Variants in ANXA13 observed in about 807,000 individuals in gnomAD.
ANXA13 encodes the protein annexin XIII.
A neutral mutation model predicts 46.6 loss-of-function variants in ANXA13; 36 were observed. The ratio of observed to expected loss-of-function variants is 0.77; its 90% confidence interval spans 0.59 to 1.02. The LOEUF is 1.02. Ranked by LOEUF, ANXA13 falls within the 50% of genes least tolerant of loss-of-function variation. The pLI, the probability that ANXA13 is intolerant of heterozygous loss-of-function variation, is 0.00. For missense variants in ANXA13, 417 were observed against 396.5 expected (o/e 1.05, Z -0.44); for synonymous variants, 163 against 152.9 (o/e 1.07, Z -0.49).
At chr8:123,686,010 G>A (rs1813134797) in intron 9 of ANXA13, among the ~76,000 whole-genome samples, 1 of 152,156 alleles carries the variant, frequency 6.6e-6, no homozygotes, top group Non-Finnish European at 1.5e-5. Context: ...TTCCGCTCCT[G>A]CACAGGGATC....
intron 1 of ANXA13, chr8:123,735,828 T>G (rs1814252944): frequency 6.2e-7 from 1 of 1,611,474 alleles, no homozygotes; most frequent in Admixed American, 1.7e-5. Context: ...GGGTTGGGAG[T>G]CCCCTTTAGG....
chr8:123,696,392 T>C (rs1330855207), intron 4 of ANXA13, among the ~76,000 whole-genome samples: 2 of 152,218 alleles, frequency 1.3e-5, no homozygotes, highest in Non-Finnish European at 2.9e-5. Context: ...CAAGGCTTCG[T>C]TCAGTAACAG....
chr8:123,692,979 C>CCT (rs1813267618), intron 8 of ANXA13, among the ~76,000 whole-genome samples: 2 of 152,056 alleles, frequency 1.3e-5, no homozygotes, highest in Admixed American at 1.3e-4. Context: ...GCATCCCGGG[C>CCT]CTCTGTTCAC....
chr8:123,681,385 G>A (rs1234009106), intron 10 of ANXA13, 26 bp from the exon 11 acceptor site: 2 of 1,608,230 alleles, frequency 1.2e-6, no homozygotes, highest in East Asian at 2.2e-5. Context: ...CAGCAATGGA[G>A]ATAAGAACGT....
chr8:123,731,509 A>G (rs6982704), intron 1 of ANXA13, among the ~76,000 whole-genome samples: 129 of 152,350 alleles, frequency 8.5e-4, no homozygotes, highest in African/African-American at 3.0e-3. Flanking sequence ...TGATGGGGAT[A>G]TATAGGTGAA....
intron 3 of ANXA13, among the ~76,000 whole-genome samples, chr8:123,700,905 C>T (rs551658573): frequency 1.3e-5 from 2 of 152,160 alleles, no homozygotes; most frequent in African/African-American, 2.4e-5. Context: ...TCACTGAGGC[C>T]TCAACTTCTT....
At chr8:123,710,830 A>G (rs971819841) in intron 2 of ANXA13, among the ~76,000 whole-genome samples, 1 of 152,266 alleles carries the variant, frequency 6.6e-6, no homozygotes, top group Non-Finnish European at 1.5e-5. Context: ...TAAAGTGCTT[A>G]GTCCAATGCC....
At chr8:123,725,747 T>G (rs1383038079) in intron 1 of ANXA13, among the ~76,000 whole-genome samples, 1 of 152,232 alleles carries the variant, frequency 6.6e-6, no homozygotes, top group Non-Finnish European at 1.5e-5. Flanking sequence ...TATTTCATCA[T>G]GTAGTTATTG....
chr8:123,735,790 G>T, intron 1 of ANXA13: 4 of 1,612,508 alleles, frequency 2.5e-6, no homozygotes, highest in Non-Finnish European at 3.4e-6. Context: ...TTCCGTGATG[G>T]GTGGCTGAGA....
chr8:123,706,537 T>C (rs1265719864), intron 2 of ANXA13, among the ~76,000 whole-genome samples: 1 of 152,200 alleles, frequency 6.6e-6, no homozygotes, highest in East Asian at 1.9e-4. Flanking sequence ...TCCACCTCCT[T>C]AGTGCCTCTC....
At chr8:123,735,932 G>A (rs1814257201) in intron 1 of ANXA13, 1 of 1,532,240 alleles carries the variant, frequency 6.5e-7, no homozygotes, top group Non-Finnish European at 8.8e-7. Context: ...AAGGCCAGCT[G>A]CTCCCTAGGT....
intron 3 of ANXA13, among the ~76,000 whole-genome samples, chr8:123,699,570 C>G (rs1207813572): frequency 6.6e-6 from 1 of 152,212 alleles, no homozygotes; most frequent in African/African-American, 2.4e-5. Context: ...CTCCCTGTCT[C>G]CCTCTGACAA....
intron 3 of ANXA13, among the ~76,000 whole-genome samples, chr8:123,699,184 G>A (rs1302099264): frequency 2.0e-5 from 3 of 152,090 alleles, no homozygotes; most frequent in East Asian, 1.9e-4. Flanking sequence ...ACTGGCATCT[G>A]TTTTTTTCTT....
At chr8:123,716,086 T>C (rs1302356319) in intron 1 of ANXA13, among the ~76,000 whole-genome samples, 1 of 152,126 alleles carries the variant, frequency 6.6e-6, no homozygotes, top group Non-Finnish European at 1.5e-5. Context: ...CTTTTTTCCT[T>C]TTTCAAAAAA....
chr8:123,702,612 TGCAA>T (rs749575717), intron 3 of ANXA13, 26 bp downstream of exon 3: 1 of 1,587,762 alleles, frequency 6.3e-7, no homozygotes, highest in South Asian at 1.1e-5. Flanking sequence ...CATGGCTGGG[TGCAA>T]GCTTGCTGAC....
At position 123,684,754 on chromosome 8, in the gene ANXA13, G is replaced by T. The variant is rs371076773; in HGVS notation, c.719-32C>A. Reference sequence around the variant, plus strand: ...AGGACAAAGGAAAAGAGAATGTGAGGCTTTCACGTTTTGTGGAATGACCTT... The same window carrying T: ...AGGACAAAGGAAAAGAGAATGTGAGTCTTTCACGTTTTGTGGAATGACCTT... On this transcript the variant is annotated intron_variant, in intron 9 of 10. Coordinates refer to ENST00000419625, the MANE Select transcript of ANXA13 (RefSeq NM_004306.4). 196 of 1,525,836 alleles carry T rather than the reference G, an allele frequency of 1.3e-4. No individual in the cohort carries two copies. In the African/African-American group the frequency reaches 2.2e-3, roughly 17 times the overall value. The allele number at this position is 1,525,836 out of a possible 1,614,324, so 94.5% of individuals were successfully genotyped here.
intron 1 of ANXA13, among the ~76,000 whole-genome samples, chr8:123,734,805 G>A (rs1814219753): frequency 1.4e-5 from 2 of 148,010 alleles, no homozygotes; most frequent in Non-Finnish European, 1.5e-5. Context: ...ACCAAGTCCT[G>A]GCTCATGATT....
chr8:123,723,444 G>A (rs1813924311), intron 1 of ANXA13, among the ~76,000 whole-genome samples: 2 of 152,184 alleles, frequency 1.3e-5, no homozygotes, highest in African/African-American at 4.8e-5. Flanking sequence ...GGGGTTCCCT[G>A]GAATGTGGGT....
In ANXA13 at chr8:123,697,539, G is replaced by A. The variant is rs546391693; in HGVS notation, c.357+850C>T. Among the ~76,000 whole-genome samples the A allele has an allele frequency of 5.3e-5, 8 of 152,330 alleles. No individual in the cohort carries two copies. In the South Asian group the frequency reaches 6.2e-4, roughly 12 times the overall value. ...GGAAAAGAGGCTGAGCAGCGTGAACGTGGCCCAGCACCCAGGCCTTCTCCA... is the reference window on the plus strand; with the variant it reads ...GGAAAAGAGGCTGAGCAGCGTGAACATGGCCCAGCACCCAGGCCTTCTCCA... On this transcript the variant is annotated intron_variant, in intron 4 of 10. Coordinates refer to ENST00000419625, the MANE Select transcript of ANXA13 (RefSeq NM_004306.4).
Sources: allele counts gnomAD v4.1 joint callset (sites outside exome capture counted in the v4.1 genomes callset), GRCh38; gene constraint gnomAD v4.1.1; transcripts MANE v1.5; gene names NCBI Gene and HGNC (gene_info 2026-07-23, HGNC 2026-07-21).